NAV2: variants seen among roughly 807,000 people sequenced by gnomAD.
NAV2 encodes the protein helicase, APC down-regulated 1.
Under a neutral mutation model 223.2 loss-of-function variants are expected in NAV2, and 54 were observed. The observed-to-expected ratio is 0.24, with a 90% CI of 0.19 to 0.30. The LOEUF is 0.30. Ranked by LOEUF, NAV2 falls within the 10% of genes least tolerant of loss-of-function variation. The pLI, the probability that NAV2 is intolerant of heterozygous loss-of-function variation, is 1.00. For synonymous variants in NAV2, 1,279 were observed against 1,239.3 expected (o/e 1.03, Z -0.67); for missense variants, 2,806 against 3,147.5 (o/e 0.89, Z 2.60).
chr11:19,850,862 A>G (rs1267360320), intron 3 of NAV2, among the ~76,000 whole-genome samples: 1 of 152,232 alleles, frequency 6.6e-6, no homozygotes, highest in African/African-American at 2.4e-5. Flanking sequence ...ACCATCCTAT[A>G]GAATGAGGAA....
intron 1 of NAV2, among the ~76,000 whole-genome samples, chr11:19,768,341 G>A (rs2055406472): frequency 6.6e-6 from 1 of 152,154 alleles, no homozygotes; most frequent in South Asian, 2.1e-4. Flanking sequence ...AGAGCCCCAT[G>A]GTGCAGTTTG....
intron 1 of NAV2, among the ~76,000 whole-genome samples, chr11:19,705,191 C>T (rs1261648188): frequency 6.6e-6 from 1 of 151,972 alleles, no homozygotes; most frequent in African/African-American, 2.4e-5. Flanking sequence ...ACAAAACAAA[C>T]CTTGCATGTC....
chr11:19,483,414 G>A (rs370618813), intron 1 of NAV2, among the ~76,000 whole-genome samples: 10 of 152,168 alleles, frequency 6.6e-5, no homozygotes, highest in African/African-American at 2.2e-4. Flanking sequence ...TTGTGCTTCT[G>A]TTCAAGTAAC....
intron 1 of NAV2, among the ~76,000 whole-genome samples, chr11:19,581,246 C>T (rs1215294774): frequency 6.6e-6 from 1 of 152,132 alleles, no homozygotes; most frequent in African/African-American, 2.4e-5. Context: ...GTATTCTTAG[C>T]ATAAGTTCTT....
At chr11:19,601,653 A>C (rs2046353087) in intron 1 of NAV2, among the ~76,000 whole-genome samples, 2 of 152,120 alleles carry the variant, frequency 1.3e-5, no homozygotes, top group Non-Finnish European at 2.9e-5. Context: ...GCATGCAAAC[A>C]TTGCTATCGG....
At chr11:19,796,818 G>C (rs1045052114) in intron 1 of NAV2, among the ~76,000 whole-genome samples, 3 of 152,194 alleles carry the variant, frequency 2.0e-5, no homozygotes, top group African/African-American at 7.2e-5. Context: ...CTGTGGCCTT[G>C]CTGGTACTTG....
intron 1 of NAV2, among the ~76,000 whole-genome samples, chr11:19,355,921 G>T (rs1663814083): frequency 6.6e-6 from 1 of 152,192 alleles, no homozygotes; most frequent in Admixed American, 6.5e-5. Context: ...GGTGTGGTTA[G>T]GGGTCTGGAT....
At chr11:19,567,573 G>C (rs1471902) in intron 1 of NAV2, among the ~76,000 whole-genome samples, 126,000 of 152,050 alleles carry the variant, frequency 0.83, 54,167 homozygotes, top group Middle Eastern at 0.98. Context: ...TCCCTGGTTT[G>C]TGAGCTTAAC....
intron 1 of NAV2, among the ~76,000 whole-genome samples, chr11:19,822,024 A>G (rs967643961): frequency 6.6e-6 from 1 of 152,224 alleles, no homozygotes; most frequent in Non-Finnish European, 1.5e-5. Flanking sequence ...AGATGGGGAA[A>G]ATAATATCTC....
chr11:19,859,641 C>T (rs2061581690), intron 3 of NAV2, among the ~76,000 whole-genome samples: 1 of 152,148 alleles, frequency 6.6e-6, no homozygotes, highest in Non-Finnish European at 1.5e-5. Flanking sequence ...GGCCCGTTCT[C>T]AATGAGCTGT....
chr11:19,351,058 A>G (rs900371177), intron 1 of NAV2: 11 of 1,402,402 alleles, frequency 7.8e-6, no homozygotes, highest in Non-Finnish European at 1.0e-5. Flanking sequence ...GGTTGATTGG[A>G]TTATGGTGCT....
chr11:19,750,291 G>A (rs2053700798), intron 1 of NAV2, among the ~76,000 whole-genome samples: 1 of 152,170 alleles, frequency 6.6e-6, no homozygotes, highest in Admixed American at 6.5e-5. Context: ...TTTCTAAAAT[G>A]TTGATTAAAG....
intron 28 of NAV2, among the ~76,000 whole-genome samples, chr11:20,092,869 G>A (rs959626735): frequency 5.3e-5 from 8 of 152,156 alleles, no homozygotes; most frequent in Admixed American, 3.9e-4. Context: ...TCTCTCCCTC[G>A]CACTTCCATC....
At chr11:19,492,085 G>T (rs1201505632) in intron 1 of NAV2, among the ~76,000 whole-genome samples, 3 of 151,966 alleles carry the variant, frequency 2.0e-5, no homozygotes, top group Non-Finnish European at 4.4e-5. Flanking sequence ...CACAGTTTGT[G>T]GTACCCAAAA....
chr11:20,027,502 G>C, intron 11 of NAV2: 1 of 974,094 alleles, frequency 1.0e-6, no homozygotes, highest in Non-Finnish European at 1.2e-6. Context: ...CAGCTGCGCA[G>C]TGTGAGCTTA....
intron 1 of NAV2, among the ~76,000 whole-genome samples, chr11:19,808,790 T>C (rs1439269258): frequency 2.0e-5 from 3 of 152,252 alleles, no homozygotes; most frequent in Admixed American, 2.0e-4. Context: ...AAATAAATCT[T>C]CACTTCATGG....
intron 16 of NAV2, 103 bp from the exon 17 acceptor site, chr11:20,051,186 C>A (rs2057969151): frequency 1.1e-6 from 1 of 901,484 alleles, no homozygotes; most frequent in Non-Finnish European, 1.9e-6. Context: ...TGGTGATGTG[C>A]ACCTCTTTCT....
chr11:19,413,138 G>T (rs1251718975), intron 1 of NAV2, among the ~76,000 whole-genome samples: 1 of 152,108 alleles, frequency 6.6e-6, no homozygotes, highest in East Asian at 1.9e-4. Context: ...TCCAGCTAAG[G>T]GAGCATGTTC....
chr11:19,550,387 C>T (rs920078035), intron 1 of NAV2, among the ~76,000 whole-genome samples: 3 of 152,174 alleles, frequency 2.0e-5, no homozygotes, highest in Admixed American at 6.5e-5. Flanking sequence ...TCTGTTAGAA[C>T]CCGAATACTT....
Sources: gnomAD v4.1 joint callset for allele counts (sites outside exome capture counted in the v4.1 genomes callset) on GRCh38, gnomAD v4.1.1 for gene constraint, MANE v1.5 for transcripts, NCBI Gene and HGNC (gene_info 2026-07-23, HGNC 2026-07-21) for gene names.